Variants in MYO1D observed in about 807,000 individuals in gnomAD.
MYO1D encodes myosin ID.
MYO1D carries 83 observed loss-of-function variants against 122.0 expected under a neutral mutation model. The observed-to-expected ratio is 0.68, with a 90% CI of 0.57 to 0.82. The LOEUF is 0.82. MYO1D is among the 40% of genes least tolerant of loss of function. The pLI is 0.00. For missense variants in MYO1D, 1,157 were observed against 1,269.5 expected (o/e 0.91, Z 1.35); for synonymous variants, 464 against 446.9 (o/e 1.04, Z -0.48).
At chr17:32,751,738 C>T (rs1164631967) in intron 11 of MYO1D, among the ~76,000 whole-genome samples, 1 of 151,972 alleles carries the variant, frequency 6.6e-6, no homozygotes, top group South Asian at 2.1e-4. Flanking sequence ...AAGATCTCTA[C>T]AAGGAGAACT....
chr17:32,754,755 A>C (rs2089930143), intron 11 of MYO1D, among the ~76,000 whole-genome samples: 1 of 152,212 alleles, frequency 6.6e-6, no homozygotes, highest in Admixed American at 6.5e-5. Flanking sequence ...TGGGTAGGGA[A>C]GTCTCAGGGG....
At chr17:32,788,490 G>C (rs890304501) in intron 1 of MYO1D, among the ~76,000 whole-genome samples, 2 of 152,070 alleles carry the variant, frequency 1.3e-5, no homozygotes, top group African/African-American at 4.8e-5. Context: ...TCTTCTACAT[G>C]TGGCTTGCCA....
At chr17:32,506,124 T>C (rs1174716758) in intron 21 of MYO1D, among the ~76,000 whole-genome samples, 1 of 152,264 alleles carries the variant, frequency 6.6e-6, no homozygotes, top group Non-Finnish European at 1.5e-5. Context: ...CTATCTTGGC[T>C]GTCTTGTAAA....
chr17:32,502,020 T>C (rs1201946157), intron 21 of MYO1D, among the ~76,000 whole-genome samples: 1 of 152,198 alleles, frequency 6.6e-6, no homozygotes, highest in Non-Finnish European at 1.5e-5. Flanking sequence ...GACACCCAGC[T>C]GGTGACCACT....
At chr17:32,585,533 C>T (rs1483345921) in intron 21 of MYO1D, among the ~76,000 whole-genome samples, 2 of 152,076 alleles carry the variant, frequency 1.3e-5, no homozygotes, top group African/African-American at 4.8e-5. Context: ...AGTTCGAGAC[C>T]AGTCTGGCCA....
chr17:32,775,950 T>C lies in MYO1D; in HGVS notation c.478A>G (p.Ser160Gly), dbSNP rs534471119. Residue 160 changes from serine to glycine, a missense_variant, in exon 4 of 22, where the codon AGC becomes GGC. Physicochemically the swap from Ser to Gly is moderately conservative, Grantham distance 56 (BLOSUM62 0). Coordinates refer to ENST00000318217, the MANE Select transcript of MYO1D (RefSeq NM_015194.3). Reference sequence around the variant, plus strand: ...ATATCCATGTATTTTCCAAACCTGCTTGAGTTGTCATTACGGTTGGTTTTG... The same window carrying C: ...ATATCCATGTATTTTCCAAACCTGCCTGAGTTGTCATTACGGTTGGTTTTG... ...NAKTNRNDNSSRFGKYMDINF... is the reference protein window; with the variant it reads ...NAKTNRNDNSGRFGKYMDINF... The C allele has an allele frequency of 1.9e-6, 3 of 1,613,954 alleles. No homozygotes were observed. The highest frequency in any genetic ancestry group is 1.1e-5 in the South Asian group (1 of 91,072).
At chr17:32,614,072 ATTTTTT>A (rs527897976) in intron 20 of MYO1D, among the ~76,000 whole-genome samples, 2 of 126,624 alleles carry the variant, frequency 1.6e-5, no homozygotes, top group Non-Finnish European at 3.2e-5. Context: ...TAATGTTTTA[ATTTTTT>A]TTTTTTTTTT....
chr17:32,561,775 T>C (rs1328050764), intron 21 of MYO1D, among the ~76,000 whole-genome samples: 2 of 151,728 alleles, frequency 1.3e-5, no homozygotes, highest in African/African-American at 4.9e-5. Context: ...TCTCATCATC[T>C]AGAGAGAGAA....
intron 15 of MYO1D, among the ~76,000 whole-genome samples, chr17:32,718,104 T>TA (rs936125104): frequency 2.0e-5 from 3 of 152,194 alleles, no homozygotes; most frequent in African/African-American, 7.2e-5. Context: ...ATTTACTTTT[T>TA]AAAAAAGTTT....
At chr17:32,819,599 G>A (rs2151056717) in intron 1 of MYO1D, among the ~76,000 whole-genome samples, 1 of 152,166 alleles carries the variant, frequency 6.6e-6, no homozygotes, top group East Asian at 1.9e-4. Flanking sequence ...GATGCTTCAG[G>A]AAAGCAATGA....
intron 11 of MYO1D, among the ~76,000 whole-genome samples, chr17:32,749,480 C>T (rs2089876259): frequency 6.6e-6 from 1 of 152,204 alleles, no homozygotes; most frequent in Admixed American, 6.5e-5. Context: ...CCTGTAATCC[C>T]AGCACTTTGG....
At chr17:32,604,429 T>C (rs1195374543) in intron 21 of MYO1D, among the ~76,000 whole-genome samples, 6 of 152,044 alleles carry the variant, frequency 3.9e-5, no homozygotes, top group Non-Finnish European at 7.4e-5. Flanking sequence ...GGAAGAGAAA[T>C]CCAATCTCTG....
chr17:32,753,624 C>A (rs3925173), intron 11 of MYO1D, among the ~76,000 whole-genome samples: 1 of 152,148 alleles, frequency 6.6e-6, no homozygotes, highest in Non-Finnish European at 1.5e-5. Flanking sequence ...CATGGCTGGG[C>A]GTGGTGGCTC....
At chr17:32,834,267 C>T (rs927601817) in intron 1 of MYO1D, among the ~76,000 whole-genome samples, 4 of 152,156 alleles carry the variant, frequency 2.6e-5, no homozygotes, top group African/African-American at 9.7e-5. Context: ...TAACAAATTG[C>T]TCATTCATTC....
chr17:32,520,984 C>T (rs1222256528), intron 21 of MYO1D, among the ~76,000 whole-genome samples: 1 of 152,136 alleles, frequency 6.6e-6, no homozygotes, highest in Non-Finnish European at 1.5e-5. Context: ...GAACATAGGG[C>T]GGGGAATCGC....
chr17:32,533,194 C>T (rs902977959), intron 21 of MYO1D, among the ~76,000 whole-genome samples: 1 of 152,110 alleles, frequency 6.6e-6, no homozygotes, highest in Admixed American at 6.6e-5. Context: ...ATGCTGATAA[C>T]TCCCAAATCT....
intron 16 of MYO1D, among the ~76,000 whole-genome samples, chr17:32,677,360 G>A (rs1256620185): frequency 6.6e-6 from 1 of 151,998 alleles, no homozygotes; most frequent in Admixed American, 6.6e-5. Context: ...AAAAATGTGT[G>A]AAATGCCCAC....
chr17:32,631,303 G>A (rs180755482), intron 20 of MYO1D, among the ~76,000 whole-genome samples: 202 of 152,272 alleles, frequency 1.3e-3, no homozygotes, highest in Admixed American at 3.2e-3. Flanking sequence ...ATATGTAAAT[G>A]TGAACCTACA....
intron 1 of MYO1D, among the ~76,000 whole-genome samples, chr17:32,856,183 G>C (rs571917446): frequency 1.3e-5 from 2 of 152,130 alleles, no homozygotes; most frequent in South Asian, 4.1e-4. Flanking sequence ...GACTTCTGTT[G>C]TATGAGGGAG....
Sources: allele counts gnomAD v4.1 joint callset (sites outside exome capture counted in the v4.1 genomes callset), GRCh38; gene constraint gnomAD v4.1.1; transcripts MANE v1.5; gene names NCBI Gene and HGNC (gene_info 2026-07-23, HGNC 2026-07-21).